Variants in RAB15 observed in about 807,000 individuals in gnomAD.
RAB15 encodes ras-related protein Rab-15.
RAB15 carries 13 observed loss-of-function variants against 31.8 expected under a neutral mutation model. The observed-to-expected ratio is 0.41, with a 90% CI of 0.27 to 0.65. The LOEUF (loss-of-function observed/expected upper bound fraction) is 0.65, where lower values mean the gene tolerates loss of function less well. Among genes scored for constraint, RAB15 ranks in the 30% least tolerant of loss-of-function variants. The probability of loss-of-function intolerance (pLI) is 0.32; values close to 1 mark genes in which losing one functional copy is unlikely to be tolerated. For synonymous variants in RAB15, 100 were observed against 105.6 expected (o/e 0.95, Z 0.33); for missense variants, 220 against 277.3 (o/e 0.79, Z 1.47).
At chr14:64,960,402 C>G (rs1165001674) in intron 1 of RAB15, among the ~76,000 whole-genome samples, 3 of 152,186 alleles carry the variant, frequency 2.0e-5, no homozygotes, top group African/African-American at 7.2e-5. Flanking sequence ...CCCTAGAAAG[C>G]CCTAGAAAAC....
Position 64,953,590 on chromosome 14 carries a change from C to T in RAB15, c.125-1019G>A, listed in dbSNP as rs1057383888. On this transcript the variant is annotated intron_variant, in intron 1 of 6. Transcript: ENST00000533601. The surrounding 1 kb of genome is among the most constrained non-coding windows in gnomAD (Gnocchi z 4.6). Reference sequence around the variant, plus strand: ...AGAAACCGAAGGGATTTGGCAAATGCGTGCAGGGCAGAAACATATTGGAGA... The same window carrying T: ...AGAAACCGAAGGGATTTGGCAAATGTGTGCAGGGCAGAAACATATTGGAGA... Among the ~76,000 whole-genome samples, 1 of 152,268 alleles carries T rather than the reference C, an allele frequency of 6.6e-6. No homozygotes were observed. Among genetic ancestry groups the T allele is most frequent in the Non-Finnish European group, 1.5e-5 (1 of 68,026 alleles).
In RAB15 at chr14:64,948,117, C is replaced by T. The variant is rs1415695227; in HGVS notation, c.*237G>A. 1.3e-5 allele frequency: 6 copies of T among 458,496 alleles called. 1 individual carries two copies. In the South Asian group the frequency reaches 3.0e-4, roughly 23 times the overall value. 28.4% of individuals were successfully genotyped at this position (458,496 alleles called of 1,614,324 possible). A position where few individuals can be genotyped will look rare whatever the true frequency, so the allele number is the denominator to read the frequency against. ...GCACATCGTGGGGGTCGTAGCAGGC[C>T]TGTGGCTGGGGAAACAGGCTGAAGA... On this transcript the variant is annotated 3_prime_UTR_variant, in exon 7 of 7. Coordinates refer to ENST00000533601, the MANE Select transcript of RAB15 (RefSeq NM_001308154.2). This position sits in a 1 kb window ranked among gnomAD's most constrained non-coding sequence, Gnocchi z 7.0.
At chr14:64,960,583 AG>A (rs1404007141) in intron 1 of RAB15, among the ~76,000 whole-genome samples, 1 of 152,146 alleles carries the variant, frequency 6.6e-6, no homozygotes, top group Non-Finnish European at 1.5e-5. Flanking sequence ...GGGGTGACAG[AG>A]GATTCTCAGA....
intron 1 of RAB15, among the ~76,000 whole-genome samples, chr14:64,963,380 A>G (rs74056628): frequency 0.066 from 9,983 of 151,936 alleles, 710 homozygotes; most frequent in African/African-American, 0.18. Flanking sequence ...AGACCTCCCT[A>G]GAGCCTTGGT....
Position 64,955,335 on chromosome 14 carries a change from C to G in RAB15, c.125-2764G>C, listed in dbSNP as rs1215592307. 6.6e-6 allele frequency among the ~76,000 whole-genome samples: 1 copy of G among 152,190 alleles called. No individual in the cohort carries two copies. Among genetic ancestry groups the G allele is most frequent in the East Asian group, 1.9e-4 (1 of 5,192 alleles). On this transcript the variant is annotated intron_variant, in intron 1 of 6. Coordinates refer to ENST00000533601, the MANE Select transcript of RAB15 (RefSeq NM_001308154.2). This position sits in a 1 kb window ranked among gnomAD's most constrained non-coding sequence, Gnocchi z 4.4. ...CTTCTGCGCTCTGTTCCCACACAAC[C>G]TGGGCCTTCAGCTGTGTCCACCTAC...
intron 1 of RAB15, among the ~76,000 whole-genome samples, chr14:64,963,100 C>T (rs889658483): frequency 2.0e-5 from 3 of 148,504 alleles, no homozygotes; most frequent in Admixed American, 1.3e-4. Flanking sequence ...TCAGTGTTCC[C>T]CTTCCCCACT....
In RAB15 at chr14:64,951,671, A is replaced by G; in HGVS notation, c.186-8T>C. ...TCCTGCCCTGCAGTGTCCCTGCAGG[A>G]GAAAGCCAGTCCCTCAGAGGAGCAG... On this transcript the variant is annotated splice_region_variant and splice_polypyrimidine_tract_variant and intron_variant, in intron 2 of 6. Coordinates refer to ENST00000533601, the MANE Select transcript of RAB15 (RefSeq NM_001308154.2). The surrounding 1 kb of genome is among the most constrained non-coding windows in gnomAD (Gnocchi z 7.2). 1 of 1,613,156 alleles carries G rather than the reference A, an allele frequency of 6.2e-7. No homozygotes were observed. The highest frequency in any genetic ancestry group is 8.5e-7 in the Non-Finnish European group (1 of 1,179,078).
In RAB15 at chr14:64,953,921, C is replaced by T. The variant is rs1265127394; in HGVS notation, c.125-1350G>A. The T allele has an allele frequency of 1.0e-6, 1 of 985,318 alleles. No individual in the cohort carries two copies. Among genetic ancestry groups the T allele is most frequent in the Non-Finnish European group, 1.2e-6 (1 of 829,948 alleles). 61.0% of individuals were successfully genotyped at this position (985,318 alleles called of 1,614,324 possible). On this transcript the variant is annotated intron_variant, in intron 1 of 6. Coordinates refer to ENST00000533601, the MANE Select transcript of RAB15 (RefSeq NM_001308154.2). This position sits in a 1 kb window ranked among gnomAD's most constrained non-coding sequence, Gnocchi z 4.6. ...GGCCCAGAAGGCCTGAAGGCACCAGCATCCCCATCACCACTGCCACTCCAC... is the reference window on the plus strand; with the variant it reads ...GGCCCAGAAGGCCTGAAGGCACCAGTATCCCCATCACCACTGCCACTCCAC...
At position 64,970,848 on chromosome 14, in the gene RAB15, T is replaced by C. The variant is rs1289033093; in HGVS notation, c.124+1105A>G. 1.3e-5 allele frequency among the ~76,000 whole-genome samples: 2 copies of C among 152,184 alleles called. No individual in the cohort carries two copies. Among genetic ancestry groups the C allele is most frequent in the African/African-American group, 4.8e-5 (2 of 41,456 alleles). On this transcript the variant is annotated intron_variant, in intron 1 of 6. Coordinates refer to ENST00000533601, the MANE Select transcript of RAB15 (RefSeq NM_001308154.2). This position sits in a 1 kb window ranked among gnomAD's most constrained non-coding sequence, Gnocchi z 4.1. Reference sequence around the variant, plus strand: ...CAGAAGGTTCTGTTCCTCCTGGCTGTATCTATCTGCTCCTACTTCTCTCTC... The same window carrying C: ...CAGAAGGTTCTGTTCCTCCTGGCTGCATCTATCTGCTCCTACTTCTCTCTC...
rs1444484221 is a variant in RAB15 at position 64,968,791 on chromosome 14, C to A, written c.124+3162G>T. ...TATTTTGGGGACCCCTTCGCACCAA[C>A]CCCCAGCCAGGCCAGCACAGCTGCA... On this transcript the variant is annotated intron_variant, in intron 1 of 6. Coordinates refer to ENST00000533601, the MANE Select transcript of RAB15 (RefSeq NM_001308154.2). The surrounding 1 kb of genome is among the most constrained non-coding windows in gnomAD (Gnocchi z 4.9). 1.3e-5 allele frequency among the ~76,000 whole-genome samples: 2 copies of A among 152,218 alleles called. No homozygotes were observed. The highest frequency in any genetic ancestry group is 6.5e-5 in the Admixed American group (1 of 15,280).
Position 64,948,139 on chromosome 14 carries a change from A to G in RAB15, c.*215T>C, listed in dbSNP as rs1444490741. On this transcript the variant is annotated 3_prime_UTR_variant, in exon 7 of 7. Coordinates refer to ENST00000533601, the MANE Select transcript of RAB15 (RefSeq NM_001308154.2). This position sits in a 1 kb window ranked among gnomAD's most constrained non-coding sequence, Gnocchi z 7.0. ...GGCCTGTGGCTGGGGAAACAGGCTG[A>G]AGAAGACCACTCCAGGGTGGACGGG... 1 of 490,156 alleles carries G rather than the reference A, an allele frequency of 2.0e-6. No homozygotes were observed. Among genetic ancestry groups the G allele is most frequent in the Non-Finnish European group, 3.5e-6 (1 of 285,072 alleles). The allele number at this position is 490,156 out of a possible 1,614,324, so 30.4% of individuals were successfully genotyped here.
rs1887280145 is a variant in RAB15 at position 64,968,931 on chromosome 14, C to A, written c.124+3022G>T. Among the ~76,000 whole-genome samples, 1 of 152,196 alleles carries A rather than the reference C, an allele frequency of 6.6e-6. No individual in the cohort carries two copies. The highest frequency in any genetic ancestry group is 2.4e-5 in the African/African-American group (1 of 41,452). Reference sequence around the variant, plus strand: ...TCAGTGTCTCAGTCTACCAGGGAGGCCTCTCACTGCTCCCTGGCGGGTTCT... The same window carrying A: ...TCAGTGTCTCAGTCTACCAGGGAGGACTCTCACTGCTCCCTGGCGGGTTCT... On this transcript the variant is annotated intron_variant, in intron 1 of 6. Coordinates refer to ENST00000533601, the MANE Select transcript of RAB15 (RefSeq NM_001308154.2). This position sits in a 1 kb window ranked among gnomAD's most constrained non-coding sequence, Gnocchi z 4.9.
In RAB15 at chr14:64,950,428, A is replaced by T. The variant is rs767375033; in HGVS notation, c.325-14T>A. 2 of 1,609,368 alleles carry T rather than the reference A, an allele frequency of 1.2e-6. No individual in the cohort carries two copies. Among genetic ancestry groups the T allele is most frequent in the Non-Finnish European group, 1.7e-6 (2 of 1,175,896 alleles). The stretch of plus-strand genomic sequence containing the variant: ...TTCTGGTGCGTACTAGGGACAAAGG[A>T]TGGGCAGAACAGCCAGTGAGTGCTG... On this transcript the variant is annotated splice_polypyrimidine_tract_variant and intron_variant, in intron 4 of 6. Coordinates refer to ENST00000533601, the MANE Select transcript of RAB15 (RefSeq NM_001308154.2). The surrounding 1 kb of genome is among the most constrained non-coding windows in gnomAD (Gnocchi z 5.6).
rs1163858284 is a variant in RAB15 at position 64,952,606 on chromosome 14, C to T, written c.125-35G>A. 13 of 1,490,868 alleles carry T rather than the reference C, an allele frequency of 8.7e-6. No individual in the cohort carries two copies. The highest frequency in any genetic ancestry group is 2.3e-5 in the East Asian group (1 of 44,062). The allele number at this position is 1,490,868 out of a possible 1,614,324, so 92.4% of individuals were successfully genotyped here. On this transcript the variant is annotated intron_variant, in intron 1 of 6. Transcript: ENST00000533601. The surrounding 1 kb of genome is among the most constrained non-coding windows in gnomAD (Gnocchi z 4.2). ...GGAAGAAAGAAAGAAAGTTAGAAAG[C>T]GTACCCACGAGAAATGAACAGGAAA...
In RAB15 at chr14:64,971,159, C is replaced by T. The variant is rs540262550; in HGVS notation, c.124+794G>A. ...GAGACTGACTGTCTCAGAGGGGAGG[C>T]CATGGACCCATTCCTAGAATAAGTG... On this transcript the variant is annotated intron_variant, in intron 1 of 6. Transcript: ENST00000533601. This position sits in a 1 kb window ranked among gnomAD's most constrained non-coding sequence, Gnocchi z 4.1. 2.0e-5 allele frequency among the ~76,000 whole-genome samples: 3 copies of T among 152,184 alleles called. No homozygotes were observed. The highest frequency in any genetic ancestry group is 2.9e-5 in the Non-Finnish European group (2 of 68,022).
At chr14:64,949,722 C>CAAAA (rs200189142) in intron 5 of RAB15, among the ~76,000 whole-genome samples, 6 of 85,262 alleles carry the variant, frequency 7.0e-5, no homozygotes, top group Non-Finnish European at 9.6e-5. Context: ...GACTCCATCT[C>CAAAA]AAAAAAAAAA....
Position 64,948,054 on chromosome 14 carries a change from T to C in RAB15, c.*300A>G. 3.1e-6 allele frequency: 1 copy of C among 324,800 alleles called. No individual in the cohort carries two copies. Among genetic ancestry groups the C allele is most frequent in the Non-Finnish European group, 5.6e-6 (1 of 178,734 alleles). 20.1% of individuals were successfully genotyped at this position (324,800 alleles called of 1,614,324 possible). A position where few individuals can be genotyped will look rare whatever the true frequency, so the allele number is the denominator to read the frequency against. On this transcript the variant is annotated 3_prime_UTR_variant, in exon 7 of 7. Transcript: ENST00000533601. The surrounding 1 kb of genome is among the most constrained non-coding windows in gnomAD (Gnocchi z 7.0). ...GTGGCCTGGACTCCAGCCCTGGCTG[T>C]TGTCTGGTGGGTGCGGGATGGTGAG... is the stretch of plus-strand genomic sequence containing the variant.
In RAB15 at chr14:64,954,568, C is replaced by G. The variant is rs773789158; in HGVS notation, c.125-1997G>C. The G allele has an allele frequency of 1.3e-5, 13 of 966,758 alleles. No homozygotes were observed. The highest frequency in any genetic ancestry group is 1.6e-5 in the Non-Finnish European group (13 of 813,030). The allele number at this position is 966,758 out of a possible 1,614,324, so 59.9% of individuals were successfully genotyped here. A position where few individuals can be genotyped will look rare whatever the true frequency, so the allele number is the denominator to read the frequency against. ...TCCCACAAACATTTATGGGAACTTCCTATGTGCCCTGCACAGTGCTCAGTG... is the reference window on the plus strand; with the variant it reads ...TCCCACAAACATTTATGGGAACTTCGTATGTGCCCTGCACAGTGCTCAGTG... On this transcript the variant is annotated intron_variant, in intron 1 of 6. Transcript: ENST00000533601. This position sits in a 1 kb window ranked among gnomAD's most constrained non-coding sequence, Gnocchi z 4.3.
In RAB15 at chr14:64,955,936, G is replaced by A. The variant is rs186359823; in HGVS notation, c.125-3365C>T. 5.3e-4 allele frequency among the ~76,000 whole-genome samples: 80 copies of A among 152,296 alleles called. 1 individual carries two copies. Among genetic ancestry groups the A allele is most frequent in the Middle Eastern group, 3.4e-3 (1 of 294 alleles). ...TTCCAGGTGCATGAGAATCACGCGG[G>A]GATTGAGTTAAAATGCAGATTCTGA... On this transcript the variant is annotated intron_variant, in intron 1 of 6. Coordinates refer to ENST00000533601, the MANE Select transcript of RAB15 (RefSeq NM_001308154.2). The surrounding 1 kb of genome is among the most constrained non-coding windows in gnomAD (Gnocchi z 4.4).
Sources: gnomAD v4.1 joint callset for allele counts (sites outside exome capture counted in the v4.1 genomes callset) on GRCh38, gnomAD v4.1.1 for gene constraint, Gnocchi (gnomAD v3.1) non-coding constraint, MANE v1.5 for transcripts, NCBI Gene and HGNC (gene_info 2026-07-23, HGNC 2026-07-21) for gene names.